Variants in OPHN1 observed in about 807,000 individuals in gnomAD.
OPHN1 encodes oligophrenin 1.
In OPHN1, 11 loss-of-function variants were observed where a neutral mutation model predicts 60.7. That is an observed-to-expected ratio of 0.18 (90% CI 0.11 to 0.30). OPHN1 has a LOEUF of 0.30. Among genes scored for constraint, OPHN1 ranks in the 10% least tolerant of loss-of-function variants. The pLI is 1.00. For missense variants in OPHN1, 449 were observed against 611.0 expected (o/e 0.73, Z 2.80); for synonymous variants, 226 against 222.6 (o/e 1.02, Z -0.14).
At chrX:68,425,350 A>G (rs1047857829) in intron 2 of OPHN1, among the ~76,000 whole-genome samples, 4 of 112,726 alleles carry the variant, frequency 3.5e-5, no homozygotes, top group African/African-American at 1.3e-4. Context: ...ATCAATTCAC[A>G]TTGTTTGACC....
chrX:68,288,119 A>G (rs1296497484), intron 3 of OPHN1, among the ~76,000 whole-genome samples: 1 of 112,036 alleles, frequency 8.9e-6, no homozygotes, highest in African/African-American at 3.2e-5. Flanking sequence ...ACAGGGCAAG[A>G]AGCATGTAGC....
chrX:68,364,225 T>C (rs2078487659), intron 2 of OPHN1, among the ~76,000 whole-genome samples: 1 of 112,020 alleles, frequency 8.9e-6, no homozygotes, highest in Non-Finnish European at 1.9e-5. Flanking sequence ...TAACTTCCTG[T>C]TCCTTCAGCC....
At chrX:68,276,273 T>C (rs908309389) in intron 4 of OPHN1, among the ~76,000 whole-genome samples, 7 of 111,400 alleles carry the variant, frequency 6.3e-5, no homozygotes, top group African/African-American at 2.3e-4. Flanking sequence ...TGAAACCCCA[T>C]TGAGTCCTAA....
intron 18 of OPHN1, among the ~76,000 whole-genome samples, chrX:68,110,890 T>C (rs1379493396): frequency 9.0e-6 from 1 of 111,083 alleles, no homozygotes; most frequent in African/African-American, 3.3e-5. Context: ...TCACATATAA[T>C]AGGAAAACTC....
intron 15 of OPHN1, among the ~76,000 whole-genome samples, chrX:68,157,051 C>T (rs757614871): frequency 4.5e-5 from 5 of 111,787 alleles, no homozygotes; most frequent in Admixed American, 1.9e-4. Context: ...GTAAGGCGGA[C>T]GACTTTTTGG....
At chrX:68,253,410 T>G (rs1305015671) in intron 5 of OPHN1, among the ~76,000 whole-genome samples, 1 of 111,276 alleles carries the variant, frequency 9.0e-6, no homozygotes, top group Non-Finnish European at 1.9e-5. Flanking sequence ...ATATTATATT[T>G]ATGGAATATC....
intron 15 of OPHN1, among the ~76,000 whole-genome samples, chrX:68,168,033 T>G (rs754036469): frequency 2.6e-4 from 29 of 110,476 alleles, no homozygotes; most frequent in African/African-American, 8.6e-4. Context: ...TCAAAACAAC[T>G]GAAATCATGG....
At chrX:68,362,900 T>G (rs774412712) in intron 2 of OPHN1, among the ~76,000 whole-genome samples, 1 of 111,208 alleles carries the variant, frequency 9.0e-6, no homozygotes, top group Non-Finnish European at 1.9e-5. Context: ...GGGAGGTATA[T>G]GAGGACTCTG....
chrX:68,368,062 A>G lies in OPHN1; in HGVS notation c.154+64805T>C, dbSNP rs772198120. Among the ~76,000 whole-genome samples the G allele has an allele frequency of 4.5e-5, 5 of 112,277 alleles. No homozygotes were observed. The East Asian group carries it at 1.1e-3, about 25-fold the overall frequency. ...ACTTGTGTTTGTTTTACCTAATACA[A>G]AACTCAAGCTAGAAATGGTGAGTAG... On this transcript the variant is annotated intron_variant, in intron 2 of 24. Coordinates refer to ENST00000355520, the MANE Select transcript of OPHN1 (RefSeq NM_002547.3).
chrX:68,274,611 G>A, intron 5 of OPHN1, 127 bp downstream of exon 5: 2 of 475,658 alleles, frequency 4.2e-6, no homozygotes, highest in Non-Finnish European at 7.6e-6. Context: ...CACAGTTTAG[G>A]AGGCTGACTA....
chrX:68,360,850 T>C (rs2078469016), intron 2 of OPHN1, among the ~76,000 whole-genome samples: 1 of 111,123 alleles, frequency 9.0e-6, no homozygotes, highest in Non-Finnish European at 1.9e-5. Context: ...ACCATTTGCT[T>C]AAAATAATGA....
At chrX:68,279,572 T>C (rs2078010294) in intron 4 of OPHN1, among the ~76,000 whole-genome samples, 1 of 111,363 alleles carries the variant, frequency 9.0e-6, no homozygotes, top group Admixed American at 9.6e-5. Flanking sequence ...AAGCTTACTT[T>C]GGACTCTTCT....
At chrX:68,194,989 AGAGAGAGAG>A (rs2077505045) in intron 12 of OPHN1, among the ~76,000 whole-genome samples, 11 of 93,354 alleles carry the variant, frequency 1.2e-4, no homozygotes, top group African/African-American at 4.6e-4. Context: ...AGAAAGAAAG[AGAGAGAGAG>A]AAAGAAAGGA....
At chrX:68,349,404 A>G (rs1201233384) in intron 2 of OPHN1, among the ~76,000 whole-genome samples, 2 of 111,722 alleles carry the variant, frequency 1.8e-5, no homozygotes, top group Non-Finnish European at 3.8e-5. Flanking sequence ...AAAGTCAGGA[A>G]ATAACAGATG....
At chrX:68,348,019 A>AAGACCTCAG (rs1569287716) in intron 2 of OPHN1, among the ~76,000 whole-genome samples, 15 of 112,013 alleles carry the variant, frequency 1.3e-4, no homozygotes, top group African/African-American at 1.6e-4. Flanking sequence ...ATTACCAGCT[A>AAGACCTCAG]TAAGACCTCA....
At chrX:68,332,462 C>T (rs1265460614) in intron 2 of OPHN1, among the ~76,000 whole-genome samples, 1 of 111,991 alleles carries the variant, frequency 8.9e-6, no homozygotes, top group Non-Finnish European at 1.9e-5. Context: ...CCTTTGTGAT[C>T]CGTTCTTAAA....
At chrX:68,072,792 T>C (rs1212547898) in intron 20 of OPHN1, among the ~76,000 whole-genome samples, 1 of 111,998 alleles carries the variant, frequency 8.9e-6, no homozygotes, top group African/African-American at 3.2e-5. Flanking sequence ...ACCTGGCACA[T>C]AGTAGTTATC....
chrX:68,213,043 T>C (rs948640450), intron 7 of OPHN1, among the ~76,000 whole-genome samples: 16 of 112,153 alleles, frequency 1.4e-4, no homozygotes, highest in Non-Finnish European at 2.3e-4. Context: ...ATACACAACA[T>C]ATATTGGTGT....
chrX:68,422,601 G>T (rs1602409717), intron 2 of OPHN1, among the ~76,000 whole-genome samples: 1 of 67,910 alleles, frequency 1.5e-5, no homozygotes, highest in Non-Finnish European at 2.8e-5. Context: ...GAAAGAAAAA[G>T]AAAAGAAAAA....
Sources: gnomAD v4.1 joint callset for allele counts (sites outside exome capture counted in the v4.1 genomes callset) on GRCh38, gnomAD v4.1.1 for gene constraint, MANE v1.5 for transcripts, NCBI Gene and HGNC (gene_info 2026-07-23, HGNC 2026-07-21) for gene names.